The following COL28A1 variants were observed in gnomAD, a reference collection of about 807,000 sequenced individuals.
COL28A1 encodes the protein collagen type XXVIII alpha 1 chain, also known as collagen alpha-1(XXVIII) chain.
In COL28A1, 161 loss-of-function variants were observed where a neutral mutation model predicts 150.2. That is an observed-to-expected ratio of 1.07 (90% CI 0.94 to 1.22). COL28A1 has a LOEUF of 1.22. Ranked by LOEUF, COL28A1 falls within the 50% of genes most tolerant of loss-of-function variation. The probability of loss-of-function intolerance (pLI) is 0.00; values close to 1 mark genes in which losing one functional copy is unlikely to be tolerated. For synonymous variants in COL28A1, 552 were observed against 469.7 expected (o/e 1.18, Z -2.26); for missense variants, 1,617 against 1,388.3 (o/e 1.16, Z -2.62).
intron 27 of COL28A1, chr7:7,417,553 GAGA>G: frequency 5.2e-6 from 1 of 192,758 alleles, no homozygotes; most frequent in Non-Finnish European, 9.8e-6. Context: ...GGGGGGGAGA[GAGA>G]GAGAGAGAGA....
At chr7:7,388,596 T>C (rs559827913) in intron 27 of COL28A1, among the ~76,000 whole-genome samples, 1 of 137,028 alleles carries the variant, frequency 7.3e-6, no homozygotes, top group East Asian at 2.2e-4. Context: ...GTCTTCCACA[T>C]GGTTGAACTA....
intron 15 of COL28A1, among the ~76,000 whole-genome samples, chr7:7,465,632 A>G (rs1297295403): frequency 1.6e-5 from 2 of 123,700 alleles, no homozygotes; most frequent in East Asian, 2.4e-4. Flanking sequence ...CTGCCTCTGT[A>G]GGCTCCACCT....
At chr7:7,524,193 G>C in intron 4 of COL28A1, 36 bp downstream of exon 4, 1 of 1,021,708 alleles carries the variant, frequency 9.8e-7, no homozygotes, top group Non-Finnish European at 1.6e-6. Context: ...CAAGTGTTTG[G>C]AGTAATTCGT....
chr7:7,477,733 T>G (rs192412820), intron 13 of COL28A1, among the ~76,000 whole-genome samples: 1 of 152,180 alleles, frequency 6.6e-6, no homozygotes, highest in Non-Finnish European at 1.5e-5. Context: ...CAGTAAGATA[T>G]ACAGCAAACA....
At chr7:7,453,910 C>T (rs1786919422) in intron 16 of COL28A1, among the ~76,000 whole-genome samples, 1 of 151,622 alleles carries the variant, frequency 6.6e-6, no homozygotes, top group African/African-American at 2.4e-5. Context: ...CATCCAGGAT[C>T]ATGCAGATGA....
chr7:7,402,006 G>A (rs1030655454), intron 27 of COL28A1, among the ~76,000 whole-genome samples: 3 of 152,204 alleles, frequency 2.0e-5, no homozygotes, highest in Non-Finnish European at 4.4e-5. Flanking sequence ...GGAATGCAGA[G>A]TACAGAAGGA....
At chr7:7,418,944 T>C (rs895473502) in intron 26 of COL28A1, among the ~76,000 whole-genome samples, 15 of 152,170 alleles carry the variant, frequency 9.9e-5, no homozygotes, top group African/African-American at 3.4e-4. Context: ...TTGGTAATTC[T>C]GGGATGCTCA....
chr7:7,473,924 A>G (rs1007066381), intron 15 of COL28A1, among the ~76,000 whole-genome samples: 1 of 149,704 alleles, frequency 6.7e-6, no homozygotes, highest in Admixed American at 6.7e-5. Context: ...TTGTTTATAT[A>G]TATGATGGAA....
chr7:7,391,801 C>CTTTT (rs33991942), intron 27 of COL28A1, among the ~76,000 whole-genome samples: 1 of 115,874 alleles, frequency 8.6e-6, no homozygotes, highest in African/African-American at 3.3e-5. Context: ...GCAACCCCTG[C>CTTTT]TTTTTTTTTT....
At chr7:7,471,125 T>TAAAAAAAAAAAAAAAAAAAAAAAAAA (rs746981344) in intron 15 of COL28A1, among the ~76,000 whole-genome samples, 3 of 88,518 alleles carry the variant, frequency 3.4e-5, no homozygotes, top group African/African-American at 8.3e-5. Context: ...AAAAAATAAT[T>TAAAAAAAAAAAAAAAAAAAAAAAAAA]AAAAAAAAAA....
rs1174531495 is a variant in COL28A1 at position 7,419,925 on chromosome 7, C to T, written c.2027G>A (p.Gly676Asp). 6.2e-7 allele frequency: 1 copy of T among 1,602,100 alleles called. No individual in the cohort carries two copies. Among genetic ancestry groups the T allele is most frequent in the Non-Finnish European group, 8.5e-7 (1 of 1,174,816 alleles). Residue 676 changes from glycine (G) to aspartate (D), a missense_variant, in exon 26 of 35, where the codon GGT becomes GAT. Transcript: ENST00000399429. ...KGEPGVRGPP[G>D]PSGPRGVGTQ... ...TCCTACGCCCCGAGGCCCAGAAGGA[C>T]CTGGAGGGCCTCTGACCCCAGGCTC...
chr7:7,523,638 T>G (rs1781864595), intron 4 of COL28A1, among the ~76,000 whole-genome samples: 1 of 152,210 alleles, frequency 6.6e-6, no homozygotes, highest in Non-Finnish European at 1.5e-5. Context: ...TCCAAACTCT[T>G]TCTTTTAAGA....
At chr7:7,487,969 G>T (rs1562809291) in intron 13 of COL28A1, among the ~76,000 whole-genome samples, 1 of 152,156 alleles carries the variant, frequency 6.6e-6, no homozygotes, top group Non-Finnish European at 1.5e-5. Flanking sequence ...AACAACCCTA[G>T]CTAAGCTCCC....
intron 23 of COL28A1, 56 bp from the exon 24 acceptor site, chr7:7,432,756 C>A: frequency 7.4e-7 from 1 of 1,359,040 alleles, no homozygotes; most frequent in South Asian, 1.2e-5. Flanking sequence ...AACACCTGGT[C>A]AAACTTAAGC....
At chr7:7,340,183 G>T in the COL28A1 span, among the ~76,000 whole-genome samples, 1 of 151,866 alleles carries the variant, frequency 6.6e-6, no homozygotes, top group Non-Finnish European at 1.5e-5. Flanking sequence ...GTAGAGACAG[G>T]TTTCACCATG....
intron 33 of COL28A1, among the ~76,000 whole-genome samples, chr7:7,369,530 G>A (rs1223144654): frequency 6.6e-6 from 1 of 152,220 alleles, no homozygotes. Flanking sequence ...ATAAATGTTT[G>A]TGTTAATTTC....
chr7:7,458,176 G>A (rs933902722), intron 15 of COL28A1, among the ~76,000 whole-genome samples: 1 of 152,158 alleles, frequency 6.6e-6, no homozygotes, highest in Non-Finnish European at 1.5e-5. Context: ...CAGCACTTTG[G>A]GAGGCAGAGG....
At chr7:7,498,279 T>C (rs1562837673) in intron 11 of COL28A1, among the ~76,000 whole-genome samples, 1 of 152,126 alleles carries the variant, frequency 6.6e-6, no homozygotes, top group East Asian at 1.9e-4. Context: ...TAGGAGAGCT[T>C]TTGAGAATCG....
At chr7:7,504,906 T>A (rs1000435679) in intron 11 of COL28A1, among the ~76,000 whole-genome samples, 1 of 152,194 alleles carries the variant, frequency 6.6e-6, no homozygotes, top group Non-Finnish European at 1.5e-5. Flanking sequence ...TCTGTCAAAA[T>A]ATATATTTTT....
Sources: allele counts gnomAD v4.1 joint callset (sites outside exome capture counted in the v4.1 genomes callset), GRCh38; gene constraint gnomAD v4.1.1; transcripts MANE v1.5; gene names NCBI Gene and HGNC (gene_info 2026-07-23, HGNC 2026-07-21).